Variants in NCAM2 observed in about 807,000 individuals in gnomAD.
NCAM2 encodes the protein neural cell adhesion molecule 2, also known as N-CAM-2.
Under a neutral mutation model 98.1 loss-of-function variants are expected in NCAM2, and 30 were observed. The ratio of observed to expected loss-of-function variants is 0.31; its 90% CI spans 0.23 to 0.41. The LOEUF is 0.41. NCAM2 is among the 10% of genes least tolerant of loss of function. NCAM2 has a pLI of 1.00. For synonymous variants in NCAM2, 368 were observed against 342.4 expected, an observed-to-expected ratio of 1.07 and a Z score of -0.83; for missense variants, 867 against 1,005.8, an observed-to-expected ratio of 0.86 and a Z score of 1.87.
chr21:21,508,841 A>ATTTTTTTTTTTTTTTTT lies in NCAM2; in HGVS notation c.2078-10_2078-9insTTTTTTTTTTTTTTTTT. 1 of 357,596 alleles carries ATTTTTTTTTTTTTTTTT rather than the reference A, an allele frequency of 2.8e-6. No homozygotes were observed. Among genetic ancestry groups the ATTTTTTTTTTTTTTTTT allele is most frequent in the Non-Finnish European group, 4.2e-6 (1 of 239,258 alleles). 22.2% of individuals were successfully genotyped at this position (357,596 alleles called of 1,614,324 possible). A position where few individuals can be genotyped will look rare whatever the true frequency, so the allele number is the denominator to read the frequency against. The stretch of plus-strand genomic sequence containing the variant: ...TTTTTTTTTTTTTTTTTTTTTTTTT[A>ATTTTTTTTTTTTTTTTT]CTTTTTAAGACACGCTGTTTAATGG... On this transcript the variant is annotated splice_polypyrimidine_tract_variant and intron_variant, in intron 15 of 17. Coordinates refer to ENST00000400546, the MANE Select transcript of NCAM2 (RefSeq NM_004540.5).
At chr21:21,417,732 G>C (rs2077021819) in intron 10 of NCAM2, among the ~76,000 whole-genome samples, 1 of 152,050 alleles carries the variant, frequency 6.6e-6, no homozygotes, top group African/African-American at 2.4e-5. Context: ...TTTAAGGATA[G>C]AGGTCAGCTA....
At chr21:21,490,577 C>T (rs1986764941) in intron 15 of NCAM2, among the ~76,000 whole-genome samples, 1 of 151,518 alleles carries the variant, frequency 6.6e-6, no homozygotes, top group Non-Finnish European at 1.5e-5. Context: ...TATTTTTATT[C>T]TATGTATGTA....
chr21:21,121,907 G>A (rs1212646327), intron 1 of NCAM2, among the ~76,000 whole-genome samples: 3 of 152,154 alleles, frequency 2.0e-5, no homozygotes, highest in African/African-American at 7.2e-5. Context: ...GATGAGACAG[G>A]GTAAAGTGAA....
Position 21,073,646 on chromosome 21 carries a change from T to C in NCAM2, c.55+75028T>C, listed in dbSNP as rs191261111. ...TACAACAGAGGAGCTGTGTCTCTGA[T>C]TTTCACTGTACCTTTAACATACCTC... On this transcript the variant is annotated intron_variant, in intron 1 of 17. Coordinates refer to ENST00000400546, the MANE Select transcript of NCAM2 (RefSeq NM_004540.5). Among the ~76,000 whole-genome samples, 17 of 152,302 alleles carry C rather than the reference T, an allele frequency of 1.1e-4. 2 individuals are homozygous for C. The East Asian group carries it at 3.3e-3, about 29-fold the overall frequency.
intron 1 of NCAM2, among the ~76,000 whole-genome samples, chr21:21,123,080 T>C (rs2066708647): frequency 6.6e-6 from 1 of 152,124 alleles, no homozygotes; most frequent in South Asian, 2.1e-4. Flanking sequence ...TTTCAAAATA[T>C]TTAGTGAGAA....
At chr21:21,408,578 AC>A (rs1175778325) in intron 9 of NCAM2, among the ~76,000 whole-genome samples, 1 of 152,048 alleles carries the variant, frequency 6.6e-6, no homozygotes, top group African/African-American at 2.4e-5. Flanking sequence ...AATGTTTCAA[AC>A]CCTGAAAATT....
intron 8 of NCAM2, among the ~76,000 whole-genome samples, chr21:21,344,898 C>G (rs1568958756): frequency 6.6e-6 from 1 of 152,146 alleles, no homozygotes. Context: ...GTGCTTGTGT[C>G]ACTCTTCTCC....
rs117415016 is a variant in NCAM2 at position 21,190,212 on chromosome 21, T to A, written c.56-90366T>A. Among the ~76,000 whole-genome samples the A allele has an allele frequency of 9.6e-3, 1,461 of 152,212 alleles. 11 individuals carry two copies. The highest frequency in any genetic ancestry group is 0.014 in the East Asian group (72 of 5,172). ...CACTGGATCCCTGGCTGTTAAAAAG[T>A]GAATAAGCAATATCTGTAAGTGTTA... On this transcript the variant is annotated intron_variant, in intron 1 of 17. Transcript: ENST00000400546.
chr21:21,036,867 G>A (rs574237458), intron 1 of NCAM2, among the ~76,000 whole-genome samples: 222 of 152,312 alleles, frequency 1.5e-3, no homozygotes, highest in Admixed American at 3.2e-3. Context: ...TTCCAGAGAA[G>A]AGAAGGGCCA....
intron 1 of NCAM2, among the ~76,000 whole-genome samples, chr21:21,082,213 G>A (rs1392679714): frequency 1.6e-5 from 2 of 123,612 alleles, no homozygotes; most frequent in African/African-American, 3.8e-5. Flanking sequence ...GGGCGACAGA[G>A]TGAGAATCCT....
intron 1 of NCAM2, among the ~76,000 whole-genome samples, chr21:21,139,381 T>A (rs2067122161): frequency 6.6e-6 from 1 of 152,260 alleles, no homozygotes; most frequent in Admixed American, 6.5e-5. Context: ...ATCAGGTTTG[T>A]GGTAATTTAG....
chr21:21,454,930 C>T (rs976216310), intron 12 of NCAM2, among the ~76,000 whole-genome samples: 8 of 151,876 alleles, frequency 5.3e-5, no homozygotes, highest in Admixed American at 1.3e-4. Flanking sequence ...TGGTTAGTAC[C>T]ATTATTTGCA....
intron 10 of NCAM2, among the ~76,000 whole-genome samples, chr21:21,411,077 C>CAT (rs1276632066): frequency 1.6e-4 from 1 of 6,208 alleles, no homozygotes. Context: ...TATACACACA[C>CAT]ATATATATAT....
intron 1 of NCAM2, among the ~76,000 whole-genome samples, chr21:21,168,169 A>G (rs1026548433): frequency 7.9e-5 from 12 of 152,148 alleles, no homozygotes; most frequent in Admixed American, 7.2e-4. Context: ...ATCAATGATT[A>G]CATTTCCTCA....
intron 1 of NCAM2, among the ~76,000 whole-genome samples, chr21:21,221,477 A>AC (rs1555832095): frequency 0.013 from 4 of 302 alleles, no homozygotes; most frequent in African/African-American, 0.054. Context: ...GGAAACTAAA[A>AC]TGTACTCCAT....
At chr21:21,203,311 T>G (rs1332352835) in intron 1 of NCAM2, among the ~76,000 whole-genome samples, 1 of 152,240 alleles carries the variant, frequency 6.6e-6, no homozygotes, top group Non-Finnish European at 1.5e-5. Context: ...CTAGATCTGC[T>G]TATTATTCAT....
At chr21:21,537,038 TAA>T (rs1345579913) in intron 17 of NCAM2, among the ~76,000 whole-genome samples, 1 of 152,122 alleles carries the variant, frequency 6.6e-6, no homozygotes, top group Non-Finnish European at 1.5e-5. Context: ...TCATTTGCAT[TAA>T]GTTCTAAGGA....
At chr21:21,302,275 CTTGAG>C (rs2073739791) in intron 5 of NCAM2, among the ~76,000 whole-genome samples, 2 of 152,160 alleles carry the variant, frequency 1.3e-5, no homozygotes, top group Middle Eastern at 3.4e-3. Context: ...TTTAAACCAT[CTTGAG>C]TTAATTTTTG....
At chr21:21,147,585 G>C (rs1258562953) in intron 1 of NCAM2, among the ~76,000 whole-genome samples, 1 of 150,356 alleles carries the variant, frequency 6.7e-6, no homozygotes, top group African/African-American at 2.4e-5. Flanking sequence ...TGCAGCCTCA[G>C]TATACATACA....
Sources: allele counts gnomAD v4.1 joint callset (sites outside exome capture counted in the v4.1 genomes callset), GRCh38; gene constraint gnomAD v4.1.1; transcripts MANE v1.5; gene names NCBI Gene and HGNC (gene_info 2026-07-23, HGNC 2026-07-21).